The following KALRN variants were observed in gnomAD, a reference collection of about 807,000 sequenced individuals.
The protein encoded by KALRN is kalirin.
A neutral mutation model predicts 353.7 loss-of-function variants in KALRN; 70 were observed. That is an observed-to-expected ratio of 0.20 (90% CI 0.16 to 0.24). The LOEUF (loss-of-function observed/expected upper bound fraction) is 0.24, where lower values mean the gene tolerates loss of function less well. Among genes scored for constraint, KALRN ranks in the 10% least tolerant of loss-of-function variants. The probability of loss-of-function intolerance (pLI) is 1.00; values close to 1 mark genes in which losing one functional copy is unlikely to be tolerated. For missense variants in KALRN, 2,791 were observed against 3,756.7 expected, an observed-to-expected ratio of 0.74 and a Z score of 6.72; for synonymous variants, 1,391 against 1,434.8, an observed-to-expected ratio of 0.97 and a Z score of 0.69.
rs530200874 is a variant in KALRN, at chr3:124,127,137, G to A, written c.73+93324G>A. Among the ~76,000 whole-genome samples, 6 of 152,256 alleles carry A rather than the reference G, an allele frequency of 3.9e-5. No individual in the cohort carries two copies. In the South Asian group the frequency reaches 1.0e-3, roughly 26 times the overall value. ...TTTCAAATTGGTTGCAGATTTGTGG[G>A]TGAGACTTGCCTTGTTATTGTCTTC... On this transcript the variant is annotated intron_variant, in intron 1 of 59. Transcript: ENST00000682506.
At chr3:124,587,707 T>TTTTTTTTTTTTG in intron 34 of KALRN, among the ~76,000 whole-genome samples, 1 of 135,490 alleles carries the variant, frequency 7.4e-6, no homozygotes, top group Non-Finnish European at 1.6e-5. Flanking sequence ...ACTTTTTTTT[T>TTTTTTTTTTTTG]TTTTTTTTTT....
intron 34 of KALRN, among the ~76,000 whole-genome samples, 160 bp downstream of exon 34, chr3:124,563,249 T>TAC (rs1376430933): frequency 7.9e-5 from 12 of 152,156 alleles, no homozygotes; most frequent in African/African-American, 2.9e-4. Context: ...GGTTGGGAAC[T>TAC]TGGAGAGGAA....
chr3:124,140,789 C>T (rs1377791809), intron 1 of KALRN, among the ~76,000 whole-genome samples: 1 of 151,778 alleles, frequency 6.6e-6, no homozygotes, highest in African/African-American at 2.4e-5. Flanking sequence ...GCAGCCTTGC[C>T]CTCCCGGGGG....
chr3:124,595,198 T>C (rs964069934), intron 34 of KALRN, among the ~76,000 whole-genome samples: 4 of 152,048 alleles, frequency 2.6e-5, no homozygotes, highest in African/African-American at 7.2e-5. Context: ...TGTTTTTTTT[T>C]CTCAGAAATA....
chr3:124,432,341 G>A (rs1258540274), intron 16 of KALRN, among the ~76,000 whole-genome samples: 1 of 152,194 alleles, frequency 6.6e-6, no homozygotes, highest in Non-Finnish European at 1.5e-5. Context: ...TTGAACCCAG[G>A]AGGTGGAAGT....
At chr3:124,706,732 G>A (rs2062635542) in intron 57 of KALRN, among the ~76,000 whole-genome samples, 1 of 151,796 alleles carries the variant, frequency 6.6e-6, no homozygotes. Context: ...ACCATGCCCG[G>A]CTAATTTTTG....
chr3:124,642,639 C>T (rs570482934), intron 37 of KALRN, among the ~76,000 whole-genome samples: 6 of 152,102 alleles, frequency 3.9e-5, no homozygotes, highest in African/African-American at 1.4e-4. Flanking sequence ...TGCTTTGCCC[C>T]CCTTTAGAAG....
intron 34 of KALRN, among the ~76,000 whole-genome samples, chr3:124,620,577 T>C (rs1004776763): frequency 2.5e-4 from 38 of 152,382 alleles, no homozygotes; most frequent in African/African-American, 9.1e-4. Context: ...GCAGCAGATC[T>C]GCTTTCACTG....
intron 3 of KALRN, among the ~76,000 whole-genome samples, chr3:124,241,090 C>G (rs76502003): frequency 0.067 from 10,128 of 152,150 alleles, 963 homozygotes; most frequent in East Asian, 0.46. Flanking sequence ...TCCAATTTGA[C>G]AAGCAGAACA....
intron 1 of KALRN, among the ~76,000 whole-genome samples, chr3:124,140,038 T>C (rs2066433924): frequency 6.6e-6 from 1 of 152,122 alleles, no homozygotes; most frequent in Non-Finnish European, 1.5e-5. Flanking sequence ...CAGAGTTATC[T>C]CTCTTGTGAC....
At chr3:124,629,359 G>A (rs945273357) in intron 34 of KALRN, among the ~76,000 whole-genome samples, 2 of 151,814 alleles carry the variant, frequency 1.3e-5, no homozygotes, top group Non-Finnish European at 2.9e-5. Flanking sequence ...GCCAAGATTC[G>A]TTAAAAACAA....
chr3:124,073,385 C>T lies in KALRN; in HGVS notation c.73+39572C>T, dbSNP rs1418489281. Among the ~76,000 whole-genome samples, 3 of 152,200 alleles carry T rather than the reference C, an allele frequency of 2.0e-5. No homozygotes were observed. In the East Asian group the frequency reaches 5.8e-4, roughly 29 times the overall value. ...GCAAACTTTACTCAAGAACAGGCAG[C>T]AGTGACATTGACACATAGGAAGGAC... On this transcript the variant is annotated intron_variant, in intron 1 of 59. Transcript: ENST00000682506.
At chr3:124,531,603 G>A (rs2068049086) in intron 33 of KALRN, among the ~76,000 whole-genome samples, 1 of 152,196 alleles carries the variant, frequency 6.6e-6, no homozygotes, top group African/African-American at 2.4e-5. Context: ...GAGGCCTCAG[G>A]AAACTTACAT....
intron 33 of KALRN, among the ~76,000 whole-genome samples, chr3:124,515,804 A>C (rs2066478015): frequency 6.6e-6 from 1 of 152,210 alleles, no homozygotes; most frequent in Non-Finnish European, 1.5e-5. Context: ...AATCATCTCA[A>C]TAATGTCATG....
intron 25 of KALRN, among the ~76,000 whole-genome samples, chr3:124,466,564 A>C (rs2060366143): frequency 6.6e-6 from 1 of 152,098 alleles, no homozygotes; most frequent in South Asian, 2.1e-4. Flanking sequence ...GTTAAATCTG[A>C]ACTTCTTCCT....
At chr3:124,044,327 C>G (rs1416273979) in intron 1 of KALRN, among the ~76,000 whole-genome samples, 1 of 152,136 alleles carries the variant, frequency 6.6e-6, no homozygotes, top group East Asian at 1.9e-4. Flanking sequence ...CCCTAGAACA[C>G]AAGAAGGTGG....
intron 34 of KALRN, among the ~76,000 whole-genome samples, chr3:124,593,467 G>A (rs1231830595): frequency 6.6e-6 from 1 of 152,190 alleles, no homozygotes; most frequent in Non-Finnish European, 1.5e-5. Flanking sequence ...TGGTTGTGGT[G>A]CACGCTCAAA....
chr3:124,280,763 C>T (rs947807881), intron 5 of KALRN, among the ~76,000 whole-genome samples: 20 of 152,142 alleles, frequency 1.3e-4, no homozygotes, highest in African/African-American at 4.6e-4. Flanking sequence ...GATGTCTTCT[C>T]ACATGTGAGC....
intron 34 of KALRN, among the ~76,000 whole-genome samples, chr3:124,624,547 T>C (rs34480718): frequency 0.37 from 56,212 of 151,924 alleles, 10,582 homozygotes; most frequent in East Asian, 0.51. Context: ...AATCATGGAG[T>C]TGTTGCCCCA....
Sources: allele counts gnomAD v4.1 joint callset (sites outside exome capture counted in the v4.1 genomes callset), GRCh38; gene constraint gnomAD v4.1.1; transcripts MANE v1.5; gene names NCBI Gene and HGNC (gene_info 2026-07-23, HGNC 2026-07-21).